Variants in RUVBL1 observed in about 807,000 individuals in gnomAD.
The protein encoded by RUVBL1 is ruvB-like 1.
A neutral mutation model predicts 52.4 loss-of-function variants in RUVBL1; 4 were observed. The observed-to-expected ratio is 0.08, with a 90% CI of 0.04 to 0.17. The LOEUF is 0.17. Among genes scored for constraint, RUVBL1 ranks in the 10% least tolerant of loss-of-function variants. The pLI is 1.00. For missense variants in RUVBL1, 298 were observed against 572.8 expected (o/e 0.52, Z 4.90); for synonymous variants, 217 against 214.4 (o/e 1.01, Z -0.10).
intron 1 of RUVBL1, among the ~76,000 whole-genome samples, chr3:128,146,894 G>A (rs991290854): frequency 3.3e-5 from 5 of 152,250 alleles, no homozygotes; most frequent in Non-Finnish European, 7.3e-5. Flanking sequence ...CCACTGTGCT[G>A]CTGTAAGGAC....
intron 3 of RUVBL1, among the ~76,000 whole-genome samples, chr3:128,109,278 G>A (rs530204709): frequency 5.7e-4 from 87 of 152,250 alleles, no homozygotes; most frequent in African/African-American, 2.1e-3. Flanking sequence ...GGGTGTAGTG[G>A]CTCACTCCTA....
intron 3 of RUVBL1, 132 bp downstream of exon 3, chr3:128,112,756 C>T: frequency 9.7e-7 from 1 of 1,030,036 alleles, no homozygotes; most frequent in East Asian, 2.4e-5. Flanking sequence ...AAATAATGCA[C>T]TACTAAGTGC....
chr3:128,096,862 T>C (rs1942992026), intron 8 of RUVBL1, among the ~76,000 whole-genome samples: 1 of 152,076 alleles, frequency 6.6e-6, no homozygotes, highest in Non-Finnish European at 1.5e-5. Flanking sequence ...GGTTTTGTTA[T>C]CAGAAGGAGC....
At position 128,108,966 on chromosome 3, in the gene RUVBL1, A is replaced by G. The variant is rs1285129811; in HGVS notation, c.361+3922T>C. ...TAAAGAAGCAAGACACAAGGAACAC[A>G]TAAAGTATGATTTAGATAAACTTTA... On this transcript the variant is annotated intron_variant, in intron 3 of 10. Coordinates refer to ENST00000322623, the MANE Select transcript of RUVBL1 (RefSeq NM_003707.3). Among the ~76,000 whole-genome samples, 4 of 152,362 alleles carry G rather than the reference A, an allele frequency of 2.6e-5. No homozygotes were observed. The East Asian group carries it at 7.7e-4, about 29-fold the overall frequency.
chr3:128,066,518 G>A, intron 9 of RUVBL1: 1 of 173,618 alleles, frequency 5.8e-6, no homozygotes, highest in African/African-American at 2.4e-5. Context: ...GACCTCCCAG[G>A]CTCAAGTGAT....
exon 1 of RUVBL1, chr3:128,153,815 T>C: frequency 6.6e-7 from 1 of 1,506,884 alleles, no homozygotes; most frequent in Non-Finnish European, 8.8e-7. Context: ...ATCCGGACCA[T>C]CATCGGCGGT....
intron 2 of RUVBL1, among the ~76,000 whole-genome samples, chr3:128,116,572 A>T (rs1278843756): frequency 1.3e-5 from 2 of 151,912 alleles, no homozygotes; most frequent in East Asian, 1.9e-4. Flanking sequence ...CAATTTATGC[A>T]GTGTGTAATC....
chr3:128,069,121 ATTAAAT>A (rs1203241893), intron 9 of RUVBL1, among the ~76,000 whole-genome samples: 1 of 152,260 alleles, frequency 6.6e-6, no homozygotes, highest in Non-Finnish European at 1.5e-5. Flanking sequence ...AACAGGTGAA[ATTAAAT>A]TTAATATATT....
intron 1 of RUVBL1, among the ~76,000 whole-genome samples, chr3:128,144,211 A>C (rs1944070918): frequency 6.6e-6 from 1 of 152,196 alleles, no homozygotes; most frequent in African/African-American, 2.4e-5. Flanking sequence ...CCTCAGAGAA[A>C]AGGGAAATTT....
At chr3:128,073,286 G>C (rs1035168637) in intron 9 of RUVBL1, among the ~76,000 whole-genome samples, 1 of 152,100 alleles carries the variant, frequency 6.6e-6, no homozygotes, top group African/African-American at 2.4e-5. Context: ...CTGGCACTCC[G>C]CTCCATCCAT....
intron 8 of RUVBL1, among the ~76,000 whole-genome samples, chr3:128,096,670 C>CA (rs1037805146): frequency 4.6e-5 from 7 of 152,024 alleles, no homozygotes; most frequent in African/African-American, 1.4e-4. Context: ...ACTAAAAATA[C>CA]AAAAAAATTA....
At chr3:128,141,695 C>T (rs1252413420) in intron 1 of RUVBL1, among the ~76,000 whole-genome samples, 1 of 152,134 alleles carries the variant, frequency 6.6e-6, no homozygotes, top group Non-Finnish European at 1.5e-5. Flanking sequence ...GGGGTTTCAC[C>T]ATATTGGTCA....
intron 1 of RUVBL1, among the ~76,000 whole-genome samples, chr3:128,142,978 A>C (rs987881324): frequency 5.9e-5 from 9 of 151,928 alleles, no homozygotes; most frequent in Non-Finnish European, 1.2e-4. Flanking sequence ...ACGGGGTTTT[A>C]CCATGTTGGC....
intron 8 of RUVBL1, 59 bp from the exon 9 acceptor site, chr3:128,087,867 G>T: frequency 8.3e-7 from 1 of 1,199,688 alleles, no homozygotes; most frequent in South Asian, 1.2e-5. Context: ...AAACGACACT[G>T]GAAATACAGA....
At chr3:128,148,887 C>T (rs1292726337) in intron 1 of RUVBL1, among the ~76,000 whole-genome samples, 2 of 152,098 alleles carry the variant, frequency 1.3e-5, no homozygotes, top group African/African-American at 4.8e-5. Flanking sequence ...AAGTCTGCAT[C>T]GTATTCCACA....
At chr3:128,141,089 T>C (rs1354919649) in intron 1 of RUVBL1, among the ~76,000 whole-genome samples, 1 of 152,214 alleles carries the variant, frequency 6.6e-6, no homozygotes, top group African/African-American at 2.4e-5. Flanking sequence ...TTTCTATGTA[T>C]GGAGAAATAC....
In RUVBL1 at chr3:128,142,350, G is replaced by A. The variant is rs545991865; in HGVS notation, c.-40+10853C>T. 2.6e-5 allele frequency among the ~76,000 whole-genome samples: 4 copies of A among 152,290 alleles called. No homozygotes were observed. The South Asian group carries it at 8.3e-4, about 32-fold the overall frequency. The stretch of plus-strand genomic sequence containing the variant: ...GTCTCTTCTGGTGAAGATCTTAACT[G>A]TCAAATTGTGGTCCTGGGTCTAGGA... On this transcript the variant is annotated intron_variant, in intron 1 of 9. Transcript: ENST00000464873.
intron 1 of RUVBL1, among the ~76,000 whole-genome samples, chr3:128,146,746 CGT>C (rs758015268): frequency 1.4e-5 from 2 of 147,118 alleles, no homozygotes; most frequent in Non-Finnish European, 3.0e-5. Flanking sequence ...GCTGTGTGCA[CGT>C]GTGTGTACGT....
intron 8 of RUVBL1, among the ~76,000 whole-genome samples, chr3:128,089,291 C>T (rs754139337): frequency 2.0e-5 from 3 of 152,240 alleles, no homozygotes; most frequent in East Asian, 1.9e-4. Context: ...AGGTGCCCTG[C>T]GCAGCCACTG....
Sources: allele counts gnomAD v4.1 joint callset (sites outside exome capture counted in the v4.1 genomes callset), GRCh38; gene constraint gnomAD v4.1.1; transcripts MANE v1.5; gene names NCBI Gene and HGNC (gene_info 2026-07-23, HGNC 2026-07-21).